Variants in GAS7 observed in about 807,000 individuals in gnomAD.
GAS7 encodes growth arrest specific 7, also known as growth arrest-specific protein 7.
A neutral mutation model predicts 71.1 loss-of-function variants in GAS7; 28 were observed. The ratio of observed to expected loss-of-function variants is 0.39; its 90% CI spans 0.29 to 0.54. The LOEUF is 0.54. Among genes scored for constraint, GAS7 ranks in the 20% least tolerant of loss-of-function variants. GAS7 has a pLI of 0.62. For synonymous variants in GAS7, 258 were observed against 245.8 expected (o/e 1.05, Z -0.46); for missense variants, 436 against 627.8 (o/e 0.69, Z 3.27).
At chr17:10,134,983 C>A (rs2074027269) in intron 1 of GAS7, among the ~76,000 whole-genome samples, 2 of 152,194 alleles carry the variant, frequency 1.3e-5, no homozygotes, top group South Asian at 2.1e-4. Context: ...CAGGTGCGTG[C>A]CACCACGCCC....
chr17:10,091,374 G>A (rs1482297451), intron 1 of GAS7, among the ~76,000 whole-genome samples: 1 of 152,016 alleles, frequency 6.6e-6, no homozygotes. Context: ...TTACTTTAGA[G>A]TGGTGACTTT....
intron 11 of GAS7, among the ~76,000 whole-genome samples, chr17:9,920,788 T>C (rs1370744085): frequency 3.9e-5 from 6 of 152,214 alleles, no homozygotes; most frequent in Non-Finnish European, 7.3e-5. Context: ...TGGAAAAAGC[T>C]CATGAGTGAA....
chr17:10,033,412 T>C (rs73269543), intron 1 of GAS7, among the ~76,000 whole-genome samples: 6,796 of 152,138 alleles, frequency 0.045, 503 homozygotes, highest in African/African-American at 0.15. Context: ...CCTTATGTCA[T>C]TGTTTTGGGC....
At chr17:10,061,336 A>C (rs571881636) in intron 1 of GAS7, 11 of 152,386 alleles carry the variant, frequency 7.2e-5, no homozygotes, top group Admixed American at 2.6e-4. Flanking sequence ...CAAAATAAAC[A>C]GAATTACAGC....
intron 1 of GAS7, among the ~76,000 whole-genome samples, chr17:10,144,403 G>A (rs1007732776): frequency 6.6e-6 from 1 of 152,272 alleles, no homozygotes; most frequent in East Asian, 1.9e-4. Context: ...GGCCCCAAGA[G>A]GCATTTTTGG....
chr17:9,992,325 C>T (rs1298517874), intron 2 of GAS7, among the ~76,000 whole-genome samples: 2 of 151,956 alleles, frequency 1.3e-5, no homozygotes, highest in African/African-American at 4.8e-5. Flanking sequence ...ACTTGAGTTC[C>T]CAGGGGTGCT....
At chr17:10,127,477 G>A (rs977115881) in intron 1 of GAS7, among the ~76,000 whole-genome samples, 1 of 152,106 alleles carries the variant, frequency 6.6e-6, no homozygotes, top group Non-Finnish European at 1.5e-5. Context: ...TGTGGGGAAC[G>A]CTCCATTTTT....
intron 1 of GAS7, among the ~76,000 whole-genome samples, chr17:10,097,506 C>T (rs2152259342): frequency 6.6e-6 from 1 of 152,346 alleles, no homozygotes; most frequent in East Asian, 1.9e-4. Context: ...ACACTGGACA[C>T]ACAAATCAGG....
chr17:9,962,807 C>G (rs556112873), intron 4 of GAS7, among the ~76,000 whole-genome samples: 1 of 152,290 alleles, frequency 6.6e-6, no homozygotes, highest in South Asian at 2.1e-4. Context: ...AAGGAGAAAT[C>G]TGGCAGTCAG....
chr17:10,036,756 T>G (rs1316941420), intron 1 of GAS7: 4 of 1,205,554 alleles, frequency 3.3e-6, no homozygotes, highest in Admixed American at 4.3e-5. Flanking sequence ...CTGGAGGCCT[T>G]TCTTTTTTTC....
chr17:10,163,887 A>T (rs985345141), intron 1 of GAS7, among the ~76,000 whole-genome samples: 3 of 152,164 alleles, frequency 2.0e-5, no homozygotes, highest in Non-Finnish European at 2.9e-5. Flanking sequence ...TTGCTCATGG[A>T]GTGAGGATTA....
At chr17:10,194,141 G>T (rs1402387858) in intron 1 of GAS7, among the ~76,000 whole-genome samples, 8 of 152,168 alleles carry the variant, frequency 5.3e-5, no homozygotes, top group Admixed American at 5.2e-4. Context: ...TAGTAACCCA[G>T]AAAGAAAGGA....
At chr17:10,071,858 A>AC (rs1473802428) in intron 1 of GAS7, among the ~76,000 whole-genome samples, 127 of 151,158 alleles carry the variant, frequency 8.4e-4, no homozygotes, top group African/African-American at 2.9e-3. Context: ...AATCGCTGGA[A>AC]CCCAGGAGGC....
At chr17:9,954,885 C>T (rs2058317652) in intron 5 of GAS7, among the ~76,000 whole-genome samples, 1 of 152,026 alleles carries the variant, frequency 6.6e-6, no homozygotes, top group Non-Finnish European at 1.5e-5. Context: ...ACAGTCCCTT[C>T]GGAGAGAGGG....
At chr17:9,987,053 T>A (rs1432251818) in intron 2 of GAS7, among the ~76,000 whole-genome samples, 1 of 152,300 alleles carries the variant, frequency 6.6e-6, no homozygotes, top group African/African-American at 2.4e-5. Context: ...TTACAACACA[T>A]CTGGCTCCTT....
At chr17:10,195,529 C>T (rs2074534525) in intron 1 of GAS7, among the ~76,000 whole-genome samples, 1 of 152,208 alleles carries the variant, frequency 6.6e-6, no homozygotes, top group Non-Finnish European at 1.5e-5. Flanking sequence ...AATCCCATCC[C>T]TAGGCCAGGA....
At chr17:10,029,665 G>T (rs560265766) in intron 1 of GAS7, among the ~76,000 whole-genome samples, 2 of 151,864 alleles carry the variant, frequency 1.3e-5, no homozygotes, top group African/African-American at 2.4e-5. Flanking sequence ...ACCAACCTGC[G>T]CAACACAGCA....
intron 1 of GAS7, among the ~76,000 whole-genome samples, chr17:10,099,934 C>T (rs2073682523): frequency 6.6e-6 from 1 of 152,216 alleles, no homozygotes. Context: ...CCAGAACACT[C>T]TTCTGTCCTA....
At chr17:10,181,125 G>T (rs968019092) in intron 1 of GAS7, among the ~76,000 whole-genome samples, 1 of 150,166 alleles carries the variant, frequency 6.7e-6, no homozygotes, top group Non-Finnish European at 1.5e-5. Context: ...ACTTTGGGAG[G>T]CCAAGGCGGG....
Sources: gnomAD v4.1 joint callset for allele counts (sites outside exome capture counted in the v4.1 genomes callset) on GRCh38, gnomAD v4.1.1 for gene constraint, MANE v1.5 for transcripts, NCBI Gene and HGNC (gene_info 2026-07-23, HGNC 2026-07-21) for gene names.